AKAP13: variants seen among roughly 807,000 people sequenced by gnomAD.
The protein encoded by AKAP13 is A-kinase anchor protein 13.
A neutral mutation model predicts 264.5 loss-of-function variants in AKAP13; 80 were observed. The ratio of observed to expected loss-of-function variants is 0.30; its 90% CI spans 0.25 to 0.36. AKAP13 has a LOEUF of 0.36. AKAP13 is among the 10% of genes least tolerant of loss of function. AKAP13 has a pLI of 1.00. For synonymous variants in AKAP13, 1,380 were observed against 1,250.2 expected (o/e 1.10, Z -2.19); for missense variants, 3,712 against 3,435.2 (o/e 1.08, Z -2.01).
At position 85,718,782 on chromosome 15, in the gene AKAP13, C is replaced by G. The variant is rs1272315149; in HGVS notation, c.6002-294C>G. Reference sequence around the variant, plus strand: ...AGGCGTGATGGCATGTACCTGCAGCCCCAGCTGCTCGAGAGGCTAAAGCAG... The same window carrying G: ...AGGCGTGATGGCATGTACCTGCAGCGCCAGCTGCTCGAGAGGCTAAAGCAG... On this transcript the variant is annotated intron_variant, in intron 22 of 36. Coordinates refer to ENST00000394518, the MANE Select transcript of AKAP13 (RefSeq NM_007200.5). This position sits in a 1 kb window ranked among gnomAD's most constrained non-coding sequence, Gnocchi z 4.9. The G allele has an allele frequency of 2.9e-6, 1 of 343,254 alleles. No homozygotes were observed. Among genetic ancestry groups the G allele is most frequent in the Non-Finnish European group, 5.5e-6 (1 of 182,062 alleles). The allele number at this position is 343,254 out of a possible 1,614,324, so 21.3% of individuals were successfully genotyped here.
At chr15:85,500,502 A>G (rs1460286498) in intron 2 of AKAP13, among the ~76,000 whole-genome samples, 1 of 152,224 alleles carries the variant, frequency 6.6e-6, no homozygotes, top group Admixed American at 6.5e-5. Context: ...AGCCCACTGA[A>G]TCTATAATTC....
chr15:85,533,949 T>C, intron 4 of AKAP13, 69 bp downstream of exon 4: 1 of 1,450,670 alleles, frequency 6.9e-7, no homozygotes, highest in Middle Eastern at 1.8e-4. Context: ...TTAATGGGGC[T>C]ACTTTTCTAT....
intron 8 of AKAP13, among the ~76,000 whole-genome samples, chr15:85,586,433 G>C (rs1407714621): frequency 1.3e-5 from 2 of 151,968 alleles, no homozygotes; most frequent in Admixed American, 6.6e-5. Context: ...TTTCGAACTG[G>C]CCTCAAGTGA....
intron 15 of AKAP13, among the ~76,000 whole-genome samples, chr15:85,683,841 T>A (rs2084746677): frequency 6.6e-6 from 1 of 152,234 alleles, no homozygotes; most frequent in African/African-American, 2.4e-5. Flanking sequence ...TGGATGGACT[T>A]AGATTTTATG....
intron 1 of AKAP13, among the ~76,000 whole-genome samples, chr15:85,482,613 C>T (rs185092007): frequency 1.5e-4 from 23 of 152,128 alleles, no homozygotes; most frequent in Non-Finnish European, 3.2e-4. Context: ...GAAAAACACA[C>T]GTTTTAACGT....
rs372480068 is a variant in AKAP13 at position 85,727,660 on chromosome 15, T to C, written c.7087+197T>C. ...GACATGGGTCCTCGTAAAGAATGGC[T>C]GCAAGGATGTTTCCAGTACTGGATC... On this transcript the variant is annotated intron_variant, in intron 29 of 36. Coordinates refer to ENST00000394518, the MANE Select transcript of AKAP13 (RefSeq NM_007200.5). This position sits in a 1 kb window ranked among gnomAD's most constrained non-coding sequence, Gnocchi z 5.3. Among the ~76,000 whole-genome samples the C allele has an allele frequency of 2.0e-4, 31 of 152,320 alleles. No individual in the cohort carries two copies. In the East Asian group the frequency reaches 5.4e-3, roughly 27 times the overall value.
intron 26 of AKAP13, among the ~76,000 whole-genome samples, chr15:85,725,163 C>T (rs1008909340): frequency 1.3e-5 from 2 of 152,094 alleles, no homozygotes; most frequent in Admixed American, 6.5e-5. Flanking sequence ...GTGGTCAAGC[C>T]AGCGGCAGAA....
At position 85,580,495 on chromosome 15, in the gene AKAP13, A is replaced by G. The variant is rs2079127413; in HGVS notation, c.2427A>G (p.Lys809=). 1.2e-6 allele frequency: 2 copies of G among 1,614,118 alleles called. No individual in the cohort carries two copies. Among genetic ancestry groups the G allele is most frequent in the African/African-American group, 1.3e-5 (1 of 74,930 alleles). ...DDALSFVPSQ[K]EKGTATPELH... Reference sequence around the variant, plus strand: ...CACTTTCTTTTGTCCCCTCCCAGAAAGAAAAGGGAACAGCAACTCCTGAAC... The same window carrying G: ...CACTTTCTTTTGTCCCCTCCCAGAAGGAAAAGGGAACAGCAACTCCTGAAC... The change falls in exon 7 of 37, where the codon AAA becomes AAG. Residue 809 remains lysine, a synonymous_variant. Transcript: ENST00000394518.
At chr15:85,647,588 A>G (rs2082613693) in intron 10 of AKAP13, among the ~76,000 whole-genome samples, 1 of 152,044 alleles carries the variant, frequency 6.6e-6, no homozygotes, top group African/African-American at 2.4e-5. Flanking sequence ...AATATGATGC[A>G]AACTTAAGGA....
chr15:85,743,383 G>GGTAA, intron 35 of AKAP13, 109 bp from the exon 36 acceptor site: 1 of 1,200,398 alleles, frequency 8.3e-7, no homozygotes. Context: ...CGCAGAGGTG[G>GGTAA]GTAAGTACCC....
intron 1 of AKAP13, among the ~76,000 whole-genome samples, chr15:85,417,434 T>C (rs745431544): frequency 1.3e-5 from 2 of 152,192 alleles, no homozygotes; most frequent in Non-Finnish European, 2.9e-5. Flanking sequence ...TTAGAAAATA[T>C]TCGTTTATGT....
intron 8 of AKAP13, among the ~76,000 whole-genome samples, chr15:85,586,173 T>C (rs2079334126): frequency 6.6e-6 from 1 of 152,110 alleles, no homozygotes. Flanking sequence ...CTTTCTTTTT[T>C]TCTTTCCTTC....
At chr15:85,533,954 T>C (rs1406305756) in intron 4 of AKAP13, 74 bp downstream of exon 4, 2 of 1,438,856 alleles carry the variant, frequency 1.4e-6, no homozygotes, top group Admixed American at 2.6e-5. Flanking sequence ...GGGGCTACTT[T>C]TCTATGGTCA....
chr15:85,745,754 G>A lies in AKAP13; in HGVS notation c.*1077G>A, dbSNP rs375808692. 3 of 152,332 alleles carry A rather than the reference G, an allele frequency of 2.0e-5. No individual in the cohort carries two copies. The highest frequency in any genetic ancestry group is 4.8e-5 in the African/African-American group (2 of 41,458). The allele number at this position is 152,332 out of a possible 1,614,324, so 9.4% of individuals were successfully genotyped here. ...AGCTGGCTGAGAAGTGGGTTCAGGC[G>A]AAGGGTGAAGCCATGTGTAGCAGTT... On this transcript the variant is annotated 3_prime_UTR_variant, in exon 37 of 37. Transcript: ENST00000394518.
chr15:85,627,199 T>C (rs757174481), intron 8 of AKAP13, among the ~76,000 whole-genome samples: 1 of 152,182 alleles, frequency 6.6e-6, no homozygotes, highest in South Asian at 2.1e-4. Flanking sequence ...CGCCAGCCTT[T>C]CTCTCAAGCT....
At chr15:85,723,414 C>G in intron 26 of AKAP13, 94 bp downstream of exon 26, 1 of 1,524,530 alleles carries the variant, frequency 6.6e-7, no homozygotes, top group Admixed American at 1.9e-5. Context: ...AGATTTTTTT[C>G]CCAGAGAGCC....
chr15:85,455,225 T>A (rs2074242430), intron 1 of AKAP13, among the ~76,000 whole-genome samples: 1 of 149,414 alleles, frequency 6.7e-6, no homozygotes, highest in Admixed American at 6.6e-5. Flanking sequence ...GATCATTAGA[T>A]TTTTTTTTTA....
chr15:85,465,968 A>G lies in AKAP13; in HGVS notation c.-11-19742A>G, dbSNP rs1224762139. 2.0e-5 allele frequency among the ~76,000 whole-genome samples: 3 copies of G among 151,318 alleles called. No individual in the cohort carries two copies. In the East Asian group the frequency reaches 5.9e-4, roughly 30 times the overall value. On this transcript the variant is annotated intron_variant, in intron 1 of 36. Coordinates refer to ENST00000394518, the MANE Select transcript of AKAP13 (RefSeq NM_007200.5). ...GGTTGAACTAGTTTACAGTCCCACC[A>G]ACAGTGTAAAAGTGTTCCTATTTCT...
chr15:85,666,135 CCCG>C (rs1190019026), intron 13 of AKAP13, among the ~76,000 whole-genome samples: 1 of 152,196 alleles, frequency 6.6e-6, no homozygotes, highest in African/African-American at 2.4e-5. Context: ...AGTTCACAGT[CCCG>C]CCAACAGTGT....
Sources: allele counts gnomAD v4.1 joint callset (sites outside exome capture counted in the v4.1 genomes callset), GRCh38; gene constraint gnomAD v4.1.1; non-coding constraint Gnocchi (gnomAD v3.1); transcripts MANE v1.5; gene names NCBI Gene and HGNC (gene_info 2026-07-23, HGNC 2026-07-21).